Variants in ADGRB3 observed in about 807,000 individuals in gnomAD.
ADGRB3 encodes brain-specific angiogenesis inhibitor 3.
Under a neutral mutation model 193.4 loss-of-function variants are expected in ADGRB3, and 37 were observed. The observed-to-expected ratio is 0.19, with a 90% CI of 0.15 to 0.25. ADGRB3 has a LOEUF of 0.25. ADGRB3 is among the 10% of genes least tolerant of loss of function. The pLI is 1.00. For missense variants in ADGRB3, 1,637 were observed against 1,852.9 expected (o/e 0.88, Z 2.14); for synonymous variants, 690 against 644.2 (o/e 1.07, Z -1.08).
chr6:68,917,718 C>A (rs1766922606), intron 3 of ADGRB3, among the ~76,000 whole-genome samples: 1 of 152,126 alleles, frequency 6.6e-6, no homozygotes. Context: ...AAACAATCTT[C>A]ACTCTCCTTC....
chr6:68,965,862 A>G (rs1236955149), intron 8 of ADGRB3, among the ~76,000 whole-genome samples: 1 of 152,192 alleles, frequency 6.6e-6, no homozygotes, highest in Non-Finnish European at 1.5e-5. Context: ...GAGCAGCCTC[A>G]GCTAGTTTAT....
At chr6:69,335,960 T>C (rs1768836341) in intron 24 of ADGRB3, among the ~76,000 whole-genome samples, 1 of 152,076 alleles carries the variant, frequency 6.6e-6, no homozygotes, top group African/African-American at 2.4e-5. Context: ...AAGGAATTAA[T>C]AAGTGAATGT....
chr6:69,226,060 A>C (rs1028380926), intron 17 of ADGRB3, among the ~76,000 whole-genome samples: 1 of 152,170 alleles, frequency 6.6e-6, no homozygotes, highest in East Asian at 1.9e-4. Context: ...ACAACAACAA[A>C]AAAAGATGTT....
intron 4 of ADGRB3, 150 bp from the exon 5 acceptor site, chr6:68,936,369 T>G: frequency 2.2e-6 from 2 of 895,544 alleles, no homozygotes; most frequent in Non-Finnish European, 3.3e-6. Context: ...AAACTTCATT[T>G]TCTCTGAAAT....
intron 20 of ADGRB3, among the ~76,000 whole-genome samples, chr6:69,256,731 C>T (rs1366193214): frequency 1.3e-5 from 2 of 152,276 alleles, no homozygotes; most frequent in Non-Finnish European, 2.9e-5. Flanking sequence ...CCAGAACTTC[C>T]AACACTATGC....
chr6:69,002,881 A>G (rs1769623513), intron 11 of ADGRB3, among the ~76,000 whole-genome samples: 1 of 152,166 alleles, frequency 6.6e-6, no homozygotes, highest in South Asian at 2.1e-4. Flanking sequence ...GGCATTGTGT[A>G]ACCAGAAAGG....
rs558218176 is a variant in ADGRB3 at position 69,122,933 on chromosome 6, C to T, written c.2480+46895C>T. On this transcript the variant is annotated intron_variant, in intron 17 of 31. Transcript: ENST00000370598. Reference sequence around the variant, plus strand: ...CTAGAAAACAAGGATAATAATAATACTTATCTATCTATATAGATATATGTA... The same window carrying T: ...CTAGAAAACAAGGATAATAATAATATTTATCTATCTATATAGATATATGTA... Among the ~76,000 whole-genome samples, 55 of 150,798 alleles carry T rather than the reference C, an allele frequency of 3.6e-4. No homozygotes were observed. The South Asian group carries it at 6.3e-3, about 17-fold the overall frequency.
Position 68,956,136 on chromosome 6 carries a change from A to T in ADGRB3, c.1308A>T (p.Glu436Asp). ...QCTAAAHGGS[E>D]CRGPWAESRE... is the part of the protein sequence containing the mutation. Reference sequence around the variant, plus strand: ...CTGCAGCTGCCCATGGAGGCTCCGAATGCAGAGGGCCATGGGCAGAAAGCA... The same window carrying T: ...CTGCAGCTGCCCATGGAGGCTCCGATTGCAGAGGGCCATGGGCAGAAAGCA... The change falls in exon 7 of 32, where the codon GAA becomes GAT. Residue 436 changes from glutamate to aspartate, a missense_variant. By Grantham distance (45) the Glu-to-Asp change is conservative. Transcript: ENST00000370598. 1 of 1,613,976 alleles carries T rather than the reference A, an allele frequency of 6.2e-7. No homozygotes were observed. The highest frequency in any genetic ancestry group is 8.5e-7 in the Non-Finnish European group (1 of 1,179,926).
At chr6:68,846,297 A>AT (rs762101268) in intron 3 of ADGRB3, among the ~76,000 whole-genome samples, 14 of 152,214 alleles carry the variant, frequency 9.2e-5, no homozygotes, top group Non-Finnish European at 5.9e-5. Context: ...ATCCTATGTG[A>AT]TAAAAAATAA....
At chr6:69,221,518 T>C (rs79087720) in intron 17 of ADGRB3, among the ~76,000 whole-genome samples, 302 of 152,214 alleles carry the variant, frequency 2.0e-3, no homozygotes, top group African/African-American at 6.8e-3. Context: ...ACAGTGCTTC[T>C]TCTGTGAACG....
At chr6:69,117,850 A>C (rs1482332) in intron 17 of ADGRB3, among the ~76,000 whole-genome samples, 116,188 of 152,112 alleles carry the variant, frequency 0.76, 45,844 homozygotes, top group East Asian at 1. Flanking sequence ...TGCCTTTTCA[A>C]AGATTGCTAA....
At chr6:68,703,187 C>T (rs2585604) in intron 3 of ADGRB3, among the ~76,000 whole-genome samples, 58,101 of 151,872 alleles carry the variant, frequency 0.38, 11,674 homozygotes, top group East Asian at 0.6. Flanking sequence ...TGTTTTAAAG[C>T]GGCCATAATG....
chr6:68,839,589 C>T (rs532136342), intron 3 of ADGRB3, among the ~76,000 whole-genome samples: 13 of 152,208 alleles, frequency 8.5e-5, no homozygotes, highest in Admixed American at 5.9e-4. Flanking sequence ...TGTACCTAGC[C>T]TTACACTTCT....
chr6:69,217,312 G>C (rs1211172502), intron 17 of ADGRB3, among the ~76,000 whole-genome samples: 3 of 152,086 alleles, frequency 2.0e-5, no homozygotes, highest in Non-Finnish European at 4.4e-5. Flanking sequence ...TGAAGGAAAG[G>C]TCTGAGATAC....
At chr6:69,262,902 C>G (rs924651477) in intron 20 of ADGRB3, among the ~76,000 whole-genome samples, 20 of 151,808 alleles carry the variant, frequency 1.3e-4, no homozygotes, top group African/African-American at 3.6e-4. Context: ...AACATATTCC[C>G]GTCCCATAAA....
At chr6:68,933,621 A>C (rs1767407988) in intron 4 of ADGRB3, among the ~76,000 whole-genome samples, 1 of 152,208 alleles carries the variant, frequency 6.6e-6, no homozygotes, top group Non-Finnish European at 1.5e-5. Flanking sequence ...TAAATAAATA[A>C]AATTAAAAGT....
intron 3 of ADGRB3, among the ~76,000 whole-genome samples, chr6:68,923,287 T>C (rs1031087364): frequency 6.6e-6 from 1 of 152,022 alleles, no homozygotes; most frequent in African/African-American, 2.4e-5. Flanking sequence ...AAAGTAAAAA[T>C]ATGTAAAAGA....
intron 30 of ADGRB3, among the ~76,000 whole-genome samples, chr6:69,375,502 G>T (rs986417744): frequency 6.6e-6 from 1 of 152,024 alleles, no homozygotes; most frequent in Non-Finnish European, 1.5e-5. Context: ...CTGAGCCTGA[G>T]TTTTTGCTAG....
intron 3 of ADGRB3, among the ~76,000 whole-genome samples, chr6:68,929,572 T>C (rs1767279151): frequency 6.6e-6 from 1 of 152,144 alleles, no homozygotes; most frequent in African/African-American, 2.4e-5. Flanking sequence ...CTAGTAGTTT[T>C]CTTGATGTAA....
Sources: gnomAD v4.1 joint callset for allele counts (sites outside exome capture counted in the v4.1 genomes callset) on GRCh38, gnomAD v4.1.1 for gene constraint, MANE v1.5 for transcripts, NCBI Gene and HGNC (gene_info 2026-07-23, HGNC 2026-07-21) for gene names.